The following EIF3J variants were observed in gnomAD, a reference collection of about 807,000 sequenced individuals.
The protein encoded by EIF3J is eukaryotic translation initiation factor 3 subunit J, also known as eukaryotic translation initiation factor 3, subunit 1 (alpha, 35kD).
Under a neutral mutation model 39.0 loss-of-function variants are expected in EIF3J, and 15 were observed. The observed-to-expected ratio is 0.38, with a 90% CI of 0.26 to 0.59. The LOEUF (loss-of-function observed/expected upper bound fraction) is 0.59. EIF3J is among the 20% of genes least tolerant of loss of function. The pLI is 0.60. For missense variants in EIF3J, 226 were observed against 308.6 expected, an observed-to-expected ratio of 0.73 and a Z score of 2.00; for synonymous variants, 98 against 112.9, an observed-to-expected ratio of 0.87 and a Z score of 0.84.
chr15:44,537,318 C>T lies in EIF3J; in HGVS notation c.44-6C>T, dbSNP rs1038029897. The T allele has an allele frequency of 1.3e-6, 2 of 1,561,224 alleles. No individual in the cohort carries two copies. The highest frequency in any genetic ancestry group is 1.2e-5 in the South Asian group (1 of 85,324). On this transcript the variant is annotated splice_region_variant and splice_polypyrimidine_tract_variant and intron_variant, in intron 1 of 7. Transcript: ENST00000261868. ...AGGCACTAACACGGCTCGCTTTCTT[C>T]CGTAGACGCCGACGCTTTCTCCGTG...
chr15:44,562,173 T>G lies in EIF3J; in HGVS notation c.*1024T>G, dbSNP rs1189453910. ...ACAGTTCTCTACGTTCTCTACTAAA[T>G]CTTAATAAATGCTTGACATAGTTAC... On this transcript the variant is annotated 3_prime_UTR_variant, in exon 8 of 8. Transcript: ENST00000261868. 2 of 152,618 alleles carry G rather than the reference T, an allele frequency of 1.3e-5. No homozygotes were observed. The highest frequency in any genetic ancestry group is 4.8e-5 in the African/African-American group (2 of 41,458). 9.5% of individuals were successfully genotyped at this position (152,618 alleles called of 1,614,324 possible).
At chr15:44,549,953 CAAAA>C (rs761682769) in intron 2 of EIF3J, among the ~76,000 whole-genome samples, 2 of 95,628 alleles carry the variant, frequency 2.1e-5, no homozygotes, top group Non-Finnish European at 4.6e-5. Context: ...AACTCCGTCT[CAAAA>C]AAAAAAAAAA....
In EIF3J at chr15:44,550,320, G is replaced by A. The variant is rs78745120; in HGVS notation, c.148-556G>A. Among the ~76,000 whole-genome samples, 886 of 152,242 alleles carry A rather than the reference G, an allele frequency of 5.8e-3. 25 individuals are homozygous for A. The East Asian group carries it at 0.087, about 15-fold the overall frequency. On this transcript the variant is annotated intron_variant, in intron 2 of 7. Transcript: ENST00000261868. ...ATTTGTTTTGAGACAGGGTTTTTAT[G>A]ATAGTGAGTTGCCTAGGATAGAGTG...
chr15:44,544,117 G>T (rs1434097945), intron 2 of EIF3J, among the ~76,000 whole-genome samples: 1 of 108,736 alleles, frequency 9.2e-6, no homozygotes, highest in Non-Finnish European at 1.8e-5. Context: ...TTTTTTAGAC[G>T]GAGGCCTTCT....
chr15:44,553,821 T>C lies in EIF3J; in HGVS notation c.295-732T>C, dbSNP rs138339780. On this transcript the variant is annotated intron_variant, in intron 4 of 7. Transcript: ENST00000261868. ...GGAAGTAGAATACTTGATTAAAGCA[T>C]GTAAAAATATTATTTAAGACTTGAT... 2.0e-4 allele frequency among the ~76,000 whole-genome samples: 30 copies of C among 152,358 alleles called. No homozygotes were observed. In the East Asian group the frequency reaches 4.0e-3, roughly 21 times the overall value.
At chr15:44,556,899 A>C (rs2082149418) in intron 5 of EIF3J, among the ~76,000 whole-genome samples, 1 of 152,110 alleles carries the variant, frequency 6.6e-6, no homozygotes, top group Non-Finnish European at 1.5e-5. Flanking sequence ...GCCTCAAGCG[A>C]TCCTTCCTCT....
At chr15:44,546,838 T>C (rs1406315282) in intron 2 of EIF3J, among the ~76,000 whole-genome samples, 1 of 136,732 alleles carries the variant, frequency 7.3e-6, no homozygotes, top group Non-Finnish European at 1.5e-5. Flanking sequence ...TTTTTTTTTT[T>C]TTTTTTGAGA....
chr15:44,560,244 T>G lies in EIF3J; in HGVS notation c.572-5T>G. ...AGTTTAATGGTATGCCCTTTTTTTT[T>G]TAAGTGGAAATTGATGACTTGAAAA... On this transcript the variant is annotated splice_region_variant and splice_polypyrimidine_tract_variant and intron_variant, in intron 6 of 7. Transcript: ENST00000261868. 6.3e-7 allele frequency: 1 copy of G among 1,596,236 alleles called. No individual in the cohort carries two copies.
intron 2 of EIF3J, among the ~76,000 whole-genome samples, chr15:44,543,438 A>G (rs2082028118): frequency 7.4e-6 from 1 of 134,930 alleles, no homozygotes; most frequent in South Asian, 2.3e-4. Flanking sequence ...TTTTTTTGAG[A>G]TGGAGTTTCG....
chr15:44,562,476 CAGAA>C lies in EIF3J; in HGVS notation c.*1332_*1335del, dbSNP rs988415393. 1 of 152,336 alleles carries C rather than the reference CAGAA, an allele frequency of 6.6e-6. No individual in the cohort carries two copies. Among genetic ancestry groups the C allele is most frequent in the African/African-American group, 2.4e-5 (1 of 41,338 alleles). 9.4% of individuals were successfully genotyped at this position (152,336 alleles called of 1,614,324 possible). On this transcript the variant is annotated 3_prime_UTR_variant, in exon 8 of 8. Transcript: ENST00000261868. ...TTAGTGTTTTTTTATTCCCCTAAGA[CAGAA>C]AGAACAAAAAATGTTTTAAATTTCT... is the stretch of plus-strand genomic sequence containing the variant.
intron 6 of EIF3J, 66 bp from the exon 7 acceptor site, chr15:44,560,183 A>G: frequency 1.5e-6 from 2 of 1,339,516 alleles, no homozygotes; most frequent in African/African-American, 1.5e-5. Flanking sequence ...GAATGTACAT[A>G]TTTAGCTTTA....
chr15:44,538,210 C>A (rs189402910), intron 2 of EIF3J, among the ~76,000 whole-genome samples: 96 of 150,838 alleles, frequency 6.4e-4, no homozygotes, highest in African/African-American at 2.2e-3. Flanking sequence ...TGTAGATAAT[C>A]ATTTTTACCT....
intron 2 of EIF3J, among the ~76,000 whole-genome samples, chr15:44,547,344 T>C (rs1567117031): frequency 1.3e-5 from 2 of 150,938 alleles, no homozygotes; most frequent in Non-Finnish European, 1.5e-5. Flanking sequence ...GGTTTCTCCA[T>C]GTTGGTCAGG....
In EIF3J at chr15:44,554,645, C is replaced by T. The variant is rs2140900225; in HGVS notation, c.387C>T (p.Leu129=). The stretch of plus-strand genomic sequence containing the variant: ...AGAAATTACAGGAAGAGTCAGACCT[C>T]GAATTAGCAAAGGAAACTTTTGGTA... ...RLKKLQEESD[L]ELAKETFGVN... Residue 129 remains leucine (L), a synonymous_variant, in exon 5 of 8, where the codon CTC becomes CTT. Transcript: ENST00000261868. 5.6e-6 allele frequency: 9 copies of T among 1,611,012 alleles called. No homozygotes were observed. The highest frequency in any genetic ancestry group is 2.2e-5 in the East Asian group (1 of 44,724).
intron 2 of EIF3J, among the ~76,000 whole-genome samples, chr15:44,539,933 A>G (rs1396820790): frequency 5.0e-5 from 7 of 140,064 alleles, no homozygotes; most frequent in African/African-American, 1.9e-4. Context: ...GCTAATTTAC[A>G]TATTTTTTTC....
intron 2 of EIF3J, among the ~76,000 whole-genome samples, chr15:44,539,466 G>A (rs1238192793): frequency 6.6e-6 from 1 of 151,764 alleles, no homozygotes; most frequent in African/African-American, 2.4e-5. Context: ...GGAGTGCAGT[G>A]GCACAATCTC....
At chr15:44,554,690 A>G (rs767271233) in intron 5 of EIF3J, 23 bp downstream of exon 5, 4 of 1,516,642 alleles carry the variant, frequency 2.6e-6, no homozygotes, top group East Asian at 2.3e-5. Flanking sequence ...TATGATTGCA[A>G]TACAGTATTA....
chr15:44,547,553 GA>G (rs796317826), intron 2 of EIF3J, among the ~76,000 whole-genome samples: 60 of 148,624 alleles, frequency 4.0e-4, no homozygotes, highest in African/African-American at 1.4e-3. Flanking sequence ...GGGTTCAAGT[GA>G]TTCTCCTGCC....
intron 5 of EIF3J, among the ~76,000 whole-genome samples, chr15:44,555,607 T>C (rs927071967): frequency 3.3e-5 from 5 of 152,200 alleles, no homozygotes; most frequent in Non-Finnish European, 7.3e-5. Context: ...GCTGTTAATA[T>C]GTGTCTTCCT....
Sources: allele counts gnomAD v4.1 joint callset (sites outside exome capture counted in the v4.1 genomes callset), GRCh38; gene constraint gnomAD v4.1.1; transcripts MANE v1.5; gene names NCBI Gene and HGNC (gene_info 2026-07-23, HGNC 2026-07-21).